The following MAPKAP1 variants were observed in gnomAD, a reference collection of about 807,000 sequenced individuals.
The protein encoded by MAPKAP1 is target of rapamycin complex 2 subunit MAPKAP1.
A neutral mutation model predicts 65.7 loss-of-function variants in MAPKAP1; 20 were observed. That is an observed-to-expected ratio of 0.30 (90% CI 0.21 to 0.44). The LOEUF (loss-of-function observed/expected upper bound fraction) is 0.44, where lower values mean the gene tolerates loss of function less well. Among genes scored for constraint, MAPKAP1 ranks in the 20% least tolerant of loss-of-function variants. The probability of loss-of-function intolerance (pLI) is 1.00; values close to 1 mark genes in which losing one functional copy is unlikely to be tolerated. For missense variants in MAPKAP1, 423 were observed against 648.0 expected (o/e 0.65, Z 3.77); for synonymous variants, 222 against 244.3 (o/e 0.91, Z 0.85).
At chr9:125,675,623 T>C (rs1000177481) in intron 1 of MAPKAP1, among the ~76,000 whole-genome samples, 5 of 152,200 alleles carry the variant, frequency 3.3e-5, no homozygotes, top group Non-Finnish European at 5.9e-5. Context: ...AGAAAACATA[T>C]TATTGTGTAT....
chr9:125,547,154 C>A (rs773696519), intron 6 of MAPKAP1, among the ~76,000 whole-genome samples: 2 of 152,198 alleles, frequency 1.3e-5, no homozygotes, highest in Non-Finnish European at 2.9e-5. Context: ...CGCACAGCCA[C>A]TCAGTTACCC....
At chr9:125,554,711 C>A (rs779937352) in intron 6 of MAPKAP1, among the ~76,000 whole-genome samples, 1 of 140,842 alleles carries the variant, frequency 7.1e-6, no homozygotes, top group Non-Finnish European at 1.5e-5. Flanking sequence ...CAGGAGGGTC[C>A]TTTGAGCCCA....
chr9:125,617,876 CA>C (rs750298246), intron 4 of MAPKAP1, among the ~76,000 whole-genome samples: 1 of 152,114 alleles, frequency 6.6e-6, no homozygotes. Context: ...TTCTTCCTCC[CA>C]AAACGGGTGA....
chr9:125,660,904 G>A (rs1834166440), intron 3 of MAPKAP1, among the ~76,000 whole-genome samples: 2 of 152,200 alleles, frequency 1.3e-5, no homozygotes, highest in South Asian at 4.1e-4. Context: ...AGAATGAGGA[G>A]AAAAATTGAT....
At chr9:125,577,991 G>C (rs536685501) in intron 5 of MAPKAP1, among the ~76,000 whole-genome samples, 17 of 151,732 alleles carry the variant, frequency 1.1e-4, no homozygotes, top group Non-Finnish European at 2.1e-4. Context: ...GAATAGAAAG[G>C]GGGGAAAGGT....
chr9:125,507,011 T>TA (rs1829160926), intron 7 of MAPKAP1, among the ~76,000 whole-genome samples: 1 of 152,146 alleles, frequency 6.6e-6, no homozygotes, highest in Non-Finnish European at 1.5e-5. Flanking sequence ...GTTTTTAAAT[T>TA]AAAAAAATCT....
intron 1 of MAPKAP1, among the ~76,000 whole-genome samples, chr9:125,693,426 AATAT>A (rs1554844322): frequency 1.5e-5 from 2 of 131,282 alleles, no homozygotes; most frequent in Non-Finnish European, 3.1e-5. Flanking sequence ...AAAAAAAAAA[AATAT>A]ATATATATAT....
rs559727836 is a variant in MAPKAP1 at position 125,625,893 on chromosome 9, A to C, written c.498+31758T>G. On this transcript the variant is annotated intron_variant, in intron 4 of 11. Transcript: ENST00000265960. ...CGTTTTATTTTTAGTTTCAAGTTTT[A>C]ATCCTTCTTCTGTCTGAAAAATAGG... Among the ~76,000 whole-genome samples the C allele has an allele frequency of 2.1e-3, 315 of 152,366 alleles. 7 individuals carry two copies. In the South Asian group the frequency reaches 0.033, roughly 16 times the overall value.
At chr9:125,552,863 G>A (rs1391734812) in intron 6 of MAPKAP1, among the ~76,000 whole-genome samples, 1 of 152,162 alleles carries the variant, frequency 6.6e-6, no homozygotes, top group East Asian at 1.9e-4. Context: ...TTCCAGTCCA[G>A]CCTGGGCAGC....
At chr9:125,601,213 T>C (rs1264249284) in intron 4 of MAPKAP1, among the ~76,000 whole-genome samples, 4 of 152,166 alleles carry the variant, frequency 2.6e-5, no homozygotes, top group Non-Finnish European at 4.4e-5. Context: ...TATGGAAATT[T>C]TGGTATAACC....
intron 7 of MAPKAP1, among the ~76,000 whole-genome samples, chr9:125,506,713 T>G (rs1016815615): frequency 1.3e-5 from 2 of 152,234 alleles, no homozygotes; most frequent in African/African-American, 2.4e-5. Context: ...GCAGGTCACC[T>G]ACCCTCTCTG....
chr9:125,494,675 T>C (rs1238734033), intron 8 of MAPKAP1, among the ~76,000 whole-genome samples: 1 of 152,174 alleles, frequency 6.6e-6, no homozygotes, highest in Non-Finnish European at 1.5e-5. Flanking sequence ...TTCCATTCCA[T>C]TTATTCATTC....
At chr9:125,672,672 TTAAGAA>T in intron 1 of MAPKAP1, 29 bp from the exon 2 acceptor site, 2 of 1,374,808 alleles carry the variant, frequency 1.5e-6, no homozygotes, top group South Asian at 2.7e-5. Context: ...CAGCAAATAT[TTAAGAA>T]TAAGGCAGAA....
chr9:125,488,311 G>T (rs10819051), intron 8 of MAPKAP1, among the ~76,000 whole-genome samples: 1 of 152,152 alleles, frequency 6.6e-6, no homozygotes, highest in Non-Finnish European at 1.5e-5. Flanking sequence ...TCCAAAGCAG[G>T]TTATCTGATG....
intron 10 of MAPKAP1, among the ~76,000 whole-genome samples, chr9:125,448,788 C>G (rs918286750): frequency 6.6e-6 from 1 of 152,006 alleles, no homozygotes; most frequent in Non-Finnish European, 1.5e-5. Flanking sequence ...ATGGATCACC[C>G]GAGGTTAGGA....
intron 10 of MAPKAP1, among the ~76,000 whole-genome samples, chr9:125,455,291 T>C (rs1377347947): frequency 6.6e-6 from 1 of 152,056 alleles, no homozygotes; most frequent in Non-Finnish European, 1.5e-5. Context: ...ATAATAAGTG[T>C]AGACACAACC....
At chr9:125,629,530 T>C (rs1272159272) in intron 4 of MAPKAP1, among the ~76,000 whole-genome samples, 6 of 152,200 alleles carry the variant, frequency 3.9e-5, no homozygotes, top group Non-Finnish European at 1.5e-5. Flanking sequence ...GATTCCAGTA[T>C]TACTACCATA....
intron 4 of MAPKAP1, among the ~76,000 whole-genome samples, chr9:125,656,146 A>G (rs539728494): frequency 1.6e-4 from 24 of 152,370 alleles, no homozygotes; most frequent in African/African-American, 2.4e-4. Flanking sequence ...AGATGGTATC[A>G]GGCAATGGAA....
chr9:125,534,901 C>T (rs1057390290), intron 7 of MAPKAP1, among the ~76,000 whole-genome samples: 1 of 152,146 alleles, frequency 6.6e-6, no homozygotes, highest in African/African-American at 2.4e-5. Flanking sequence ...GCACCCAGGC[C>T]CTATACTTAC....
Sources: allele counts gnomAD v4.1 joint callset (sites outside exome capture counted in the v4.1 genomes callset), GRCh38; gene constraint gnomAD v4.1.1; transcripts MANE v1.5; gene names NCBI Gene and HGNC (gene_info 2026-07-23, HGNC 2026-07-21).